SH3BP5L: variants seen among roughly 807,000 people sequenced by gnomAD.
SH3BP5L encodes SH3 domain-binding protein 5-like.
SH3BP5L carries 16 observed loss-of-function variants against 40.9 expected under a neutral mutation model. That is an observed-to-expected ratio of 0.39 (90% CI 0.27 to 0.59). The LOEUF (loss-of-function observed/expected upper bound fraction) is 0.59, where lower values mean the gene tolerates loss of function less well. Ranked by LOEUF, SH3BP5L falls within the 20% of genes least tolerant of loss-of-function variation. The probability of loss-of-function intolerance (pLI) is 0.53; values close to 1 mark genes in which losing one functional copy is unlikely to be tolerated. For synonymous variants in SH3BP5L, 229 were observed against 226.7 expected (o/e 1.01, Z -0.09); for missense variants, 471 against 544.6 (o/e 0.86, Z 1.35).
intron 2 of SH3BP5L, 127 bp from the exon 3 acceptor site, chr1:248,817,011 G>T: frequency 6.4e-7 from 1 of 1,563,542 alleles, no homozygotes; most frequent in South Asian, 1.2e-5. Flanking sequence ...AGACACTCAG[G>T]AAAGGAAAGA....
Position 248,812,013 on chromosome 1 carries a change from G to A in SH3BP5L, c.1069C>T (p.Leu357Phe), listed in dbSNP as rs544287545. Residue 357 changes from leucine (L) to phenylalanine (F), a missense_variant, in exon 7 of 7, where the codon CTC becomes TTC. Around this residue, in one of 2 missense-constraint regions of SH3BP5L, gnomAD observed 196 missense variants for 174.6 expected, o/e 1.12. Coordinates refer to ENST00000366472, the MANE Select transcript of SH3BP5L (RefSeq NM_030645.3). The surrounding 1 kb of genome is among the most constrained non-coding windows in gnomAD (Gnocchi z 6.1). ...CCGTCCAGACTGACGTGGTCCGAGA[G>A]GCCTCGCAAGTGCTCCACGGAGTCG... ...KCDSVEHLRG[L>F]SDHVSLDGQE... The A allele has an allele frequency of 2.5e-6, 4 of 1,611,214 alleles. No homozygotes were observed. The highest frequency in any genetic ancestry group is 2.2e-5 in the South Asian group (2 of 90,570).
intron 2 of SH3BP5L, among the ~76,000 whole-genome samples, chr1:248,824,278 G>C (rs1459669252): frequency 6.6e-6 from 1 of 152,138 alleles, no homozygotes; most frequent in Non-Finnish European, 1.5e-5. Context: ...GAGCAATGTG[G>C]GCCGCACATC....
chr1:248,818,411 G>A (rs776523786), intron 2 of SH3BP5L, among the ~76,000 whole-genome samples: 2 of 152,090 alleles, frequency 1.3e-5, no homozygotes, highest in Non-Finnish European at 2.9e-5. Context: ...GGTGGCAGAG[G>A]AGAGGGCAGA....
Position 248,810,788 on chromosome 1 carries a change from G to A in SH3BP5L, c.*1112C>T, listed in dbSNP as rs1227414614. ...AACTGGGAGCACTGCCAGGCAGCTG[G>A]AGCTGCTCCCTGCGGAGGGCAGAAC... On this transcript the variant is annotated 3_prime_UTR_variant, in exon 7 of 7. Transcript: ENST00000366472. 2 of 152,512 alleles carry A rather than the reference G, an allele frequency of 1.3e-5. No homozygotes were observed. The highest frequency in any genetic ancestry group is 2.9e-5 in the Non-Finnish European group (2 of 68,062). The allele number at this position is 152,512 out of a possible 1,614,324, so 9.4% of individuals were successfully genotyped here.
In SH3BP5L at chr1:248,810,844, C is replaced by T. The variant is rs1399140429; in HGVS notation, c.*1056G>A. On this transcript the variant is annotated 3_prime_UTR_variant, in exon 7 of 7. Transcript: ENST00000366472. ...ACCCCAAGCCAACCCCTCCCTGTAA[C>T]AAAGGAAGTAAGAGGGTTGGCAGCC... 1 of 152,682 alleles carries T rather than the reference C, an allele frequency of 6.5e-6. No homozygotes were observed. Among genetic ancestry groups the T allele is most frequent in the Non-Finnish European group, 1.5e-5 (1 of 68,078 alleles). 9.5% of individuals were successfully genotyped at this position (152,682 alleles called of 1,614,324 possible). A position where few individuals can be genotyped will look rare whatever the true frequency, so the allele number is the denominator to read the frequency against.
In SH3BP5L at chr1:248,812,228, C is replaced by A; in HGVS notation, c.854G>T (p.Gly285Val). 6.2e-7 allele frequency: 1 copy of A among 1,608,590 alleles called. No individual in the cohort carries two copies. Among genetic ancestry groups the A allele is most frequent in the South Asian group, 1.1e-5 (1 of 90,768 alleles). ...RRGGLPPHPL[G>V]PRRSSPVGAE... The stretch of plus-strand genomic sequence containing the variant: ...CCCCACGGGGGAGGAGCGCCGAGGG[C>A]CCAGGGGGTGGGGAGGCAGACCCCC... Residue 285 changes from glycine (G) to valine (V), a missense_variant, in exon 7 of 7, where the codon GGC becomes GTC. By Grantham distance (109) the Gly-to-Val change is moderately radical (BLOSUM62 -3). Coordinates refer to ENST00000366472, the MANE Select transcript of SH3BP5L (RefSeq NM_030645.3). The surrounding 1 kb of genome is among the most constrained non-coding windows in gnomAD (Gnocchi z 6.1).
intron 2 of SH3BP5L, among the ~76,000 whole-genome samples, chr1:248,819,242 C>T (rs1572184266): frequency 6.6e-6 from 1 of 152,102 alleles, no homozygotes; most frequent in South Asian, 2.1e-4. Flanking sequence ...AATGCACACA[C>T]CTACCTACAA....
At position 248,812,231 on chromosome 1, in the gene SH3BP5L, A is replaced by G. The variant is rs1663964152; in HGVS notation, c.851T>C (p.Leu284Pro). 1 of 1,609,214 alleles carries G rather than the reference A, an allele frequency of 6.2e-7. No individual in the cohort carries two copies. The change falls in exon 7 of 7, where the codon CTG (leucine) becomes CCG (proline). Residue 284 changes from leucine (L) to proline (P), a missense_variant. Around this residue, in one of 2 missense-constraint regions of SH3BP5L, gnomAD observed 196 missense variants for 174.6 expected, o/e 1.12. Transcript: ENST00000366472. This position sits in a 1 kb window ranked among gnomAD's most constrained non-coding sequence, Gnocchi z 6.1. ...CACGGGGGAGGAGCGCCGAGGGCCCAGGGGGTGGGGAGGCAGACCCCCGCG... is the reference window on the plus strand; with the variant it reads ...CACGGGGGAGGAGCGCCGAGGGCCCGGGGGGTGGGGAGGCAGACCCCCGCG... ...RRRGGLPPHP[L>P]GPRRSSPVGA...
In SH3BP5L at chr1:248,812,576, C is replaced by G. The variant is rs1160235864; in HGVS notation, c.712-206G>C. Among the ~76,000 whole-genome samples, 1 of 151,506 alleles carries G rather than the reference C, an allele frequency of 6.6e-6. No individual in the cohort carries two copies. The highest frequency in any genetic ancestry group is 2.4e-5 in the African/African-American group (1 of 40,956). On this transcript the variant is annotated intron_variant, in intron 6 of 6. Coordinates refer to ENST00000366472, the MANE Select transcript of SH3BP5L (RefSeq NM_030645.3). The surrounding 1 kb of genome is among the most constrained non-coding windows in gnomAD (Gnocchi z 6.1). ...ACCCTTCCCTGCTCCACTTGCTCTGCGTTGTTCCTCCCCAGCAATCCTGCT... is the reference window on the plus strand; with the variant it reads ...ACCCTTCCCTGCTCCACTTGCTCTGGGTTGTTCCTCCCCAGCAATCCTGCT...
intron 2 of SH3BP5L, among the ~76,000 whole-genome samples, chr1:248,822,659 A>G (rs955262085): frequency 2.2e-4 from 33 of 150,446 alleles, no homozygotes; most frequent in African/African-American, 7.9e-4. Context: ...AACATTGAGG[A>G]ACTGCTTTTT....
In SH3BP5L at chr1:248,812,692, T is replaced by A. The variant is rs1230668721; in HGVS notation, c.711+297A>T. 1.3e-5 allele frequency among the ~76,000 whole-genome samples: 2 copies of A among 152,132 alleles called. No homozygotes were observed. The highest frequency in any genetic ancestry group is 2.9e-5 in the Non-Finnish European group (2 of 68,004). On this transcript the variant is annotated intron_variant, in intron 6 of 6. Coordinates refer to ENST00000366472, the MANE Select transcript of SH3BP5L (RefSeq NM_030645.3). The surrounding 1 kb of genome is among the most constrained non-coding windows in gnomAD (Gnocchi z 6.1). ...CTCATCCTCTCCCCACTGTTCCCTT[T>A]CACCCAATGGCTGGTTCTTCTTCCC...
chr1:248,812,858 C>G lies in SH3BP5L; in HGVS notation c.711+131G>C. The G allele has an allele frequency of 1.3e-6, 1 of 771,250 alleles. No individual in the cohort carries two copies. Among genetic ancestry groups the G allele is most frequent in the Non-Finnish European group, 2.0e-6 (1 of 489,482 alleles). The allele number at this position is 771,250 out of a possible 1,614,324, so 47.8% of individuals were successfully genotyped here. ...GTCATTTGGAACATGTGTGCCACCA[C>G]CCTTCCCCACCGCTAGCCGGAGGCC... On this transcript the variant is annotated intron_variant, in intron 6 of 6. Coordinates refer to ENST00000366472, the MANE Select transcript of SH3BP5L (RefSeq NM_030645.3). This position sits in a 1 kb window ranked among gnomAD's most constrained non-coding sequence, Gnocchi z 6.1.
At chr1:248,814,929 A>C (rs1664062469) in intron 4 of SH3BP5L, 1 of 422,212 alleles carries the variant, frequency 2.4e-6, no homozygotes, top group African/African-American at 2.0e-5. Context: ...GTGGTTAGCA[A>C]CATAGACAGA....
chr1:248,824,729 T>C, intron 2 of SH3BP5L, 24 bp downstream of exon 2: 1 of 1,610,534 alleles, frequency 6.2e-7, no homozygotes. Flanking sequence ...GCTCTCCTTC[T>C]CTCCCTGCTC....
At position 248,814,285 on chromosome 1, in the gene SH3BP5L, G is replaced by A. The variant is rs1186354598; in HGVS notation, c.537+164C>T. On this transcript the variant is annotated intron_variant, in intron 5 of 6. Coordinates refer to ENST00000366472, the MANE Select transcript of SH3BP5L (RefSeq NM_030645.3). ...GGGAAATGGAATATGGGAAGCAATG[G>A]AGGCCAAACAGAACAGAAAACTAGG... The A allele has an allele frequency of 2.6e-5, 19 of 737,992 alleles. No homozygotes were observed. In the Admixed American group the frequency reaches 4.2e-4, roughly 16 times the overall value. The allele number at this position is 737,992 out of a possible 1,614,324, so 45.7% of individuals were successfully genotyped here.
intron 5 of SH3BP5L, chr1:248,813,666 C>T (rs886072227): frequency 6.5e-6 from 1 of 154,018 alleles, no homozygotes; most frequent in African/African-American, 2.4e-5. Flanking sequence ...GTTTCCACAC[C>T]CTATGTGGGC....
chr1:248,825,776 G>A lies in SH3BP5L; in HGVS notation c.-432+59C>T, dbSNP rs563772640. ...ATTCCACACTCTTCCGCAATCCCAA[G>A]GACCCTACTCCCGTCCATTCTACCC... is the stretch of plus-strand genomic sequence containing the variant. On this transcript the variant is annotated intron_variant, in intron 1 of 6. Transcript: ENST00000366472. 31 of 620,878 alleles carry A rather than the reference G, an allele frequency of 5.0e-5. No homozygotes were observed. The African/African-American group carries it at 6.0e-4, about 12-fold the overall frequency. 38.5% of individuals were successfully genotyped at this position (620,878 alleles called of 1,614,324 possible). A position where few individuals can be genotyped will look rare whatever the true frequency, so the allele number is the denominator to read the frequency against.
intron 2 of SH3BP5L, among the ~76,000 whole-genome samples, chr1:248,817,910 C>T (rs569083681): frequency 3.9e-4 from 60 of 152,264 alleles, no homozygotes; most frequent in African/African-American, 1.3e-3. Flanking sequence ...GGAGCAGGTA[C>T]CCTGGGCAGA....
intron 2 of SH3BP5L, among the ~76,000 whole-genome samples, chr1:248,818,968 C>A (rs1278597779): frequency 6.6e-6 from 1 of 152,216 alleles, no homozygotes; most frequent in Non-Finnish European, 1.5e-5. Flanking sequence ...ACCACAATCA[C>A]TTCCCACTCA....
Sources: gnomAD v4.1 joint callset for allele counts (sites outside exome capture counted in the v4.1 genomes callset) on GRCh38, gnomAD v4.1.1 for gene constraint, gnomAD v4.1.1 regional missense constraint, Gnocchi (gnomAD v3.1) non-coding constraint, MANE v1.5 for transcripts, NCBI Gene and HGNC (gene_info 2026-07-23, HGNC 2026-07-21) for gene names.